Variants in PIP5K1C observed in about 807,000 individuals in gnomAD.
The protein encoded by PIP5K1C is phosphatidylinositol 4-phosphate 5-kinase type-1 gamma.
PIP5K1C carries 45 observed loss-of-function variants against 80.1 expected under a neutral mutation model. The observed-to-expected ratio is 0.56, with a 90% CI of 0.44 to 0.72. The LOEUF is 0.72. Ranked by LOEUF, PIP5K1C falls within the 30% of genes least tolerant of loss-of-function variation. PIP5K1C has a pLI of 0.00. For missense variants in PIP5K1C, 753 were observed against 954.6 expected (o/e 0.79, Z 2.78); for synonymous variants, 498 against 420.1 (o/e 1.19, Z -2.27).
rs760888987 is a variant in PIP5K1C at position 3,638,921 on chromosome 19, G to C, written c.1883C>G (p.Ser628Trp). Residue 628 changes from serine (S) to tryptophan (W), a missense_variant, in exon 16 of 18, where the codon TCG becomes TGG. By Grantham distance (177) the Ser-to-Trp change is radical. Coordinates refer to ENST00000335312, the MANE Select transcript of PIP5K1C (RefSeq NM_012398.3). ...GGTGGCGGGCGCGTCCTCCTCGTCC[G>C]AGGCCTGGCTGGCAGGTGCGCCCTC... ...DEEGAPASQA[S>W]DEEDAPATDI... 1 of 1,612,582 alleles carries C rather than the reference G, an allele frequency of 6.2e-7. No homozygotes were observed. The highest frequency in any genetic ancestry group is 1.7e-5 in the Admixed American group (1 of 59,980).
intron 15 of PIP5K1C, among the ~76,000 whole-genome samples, chr19:3,640,692 G>T (rs940011458): frequency 1.4e-5 from 2 of 142,970 alleles, no homozygotes; most frequent in Admixed American, 7.0e-5. Context: ...CTCGAGGTCA[G>T]TTTTTTTTTT....
At chr19:3,642,392 C>T (rs1205410852) in intron 14 of PIP5K1C, among the ~76,000 whole-genome samples, 1 of 152,244 alleles carries the variant, frequency 6.6e-6, no homozygotes. Flanking sequence ...GGACGGCACG[C>T]AGGCGTGACA....
At chr19:3,659,795 C>T (rs1386455318) in intron 5 of PIP5K1C, among the ~76,000 whole-genome samples, 4 of 152,158 alleles carry the variant, frequency 2.6e-5, no homozygotes, top group South Asian at 4.1e-4. Flanking sequence ...CAGCCTCGGG[C>T]GCTTCCTACA....
At chr19:3,656,253 G>A (rs950473619) in intron 6 of PIP5K1C, 152 bp downstream of exon 6, 13 of 794,152 alleles carry the variant, frequency 1.6e-5, no homozygotes, top group Non-Finnish European at 2.5e-5. Flanking sequence ...GCCTGACGGG[G>A]GACCCCCGAG....
intron 1 of PIP5K1C, among the ~76,000 whole-genome samples, chr19:3,672,805 C>G (rs867269668): frequency 6.6e-6 from 1 of 152,130 alleles, no homozygotes; most frequent in Non-Finnish European, 1.5e-5. Flanking sequence ...TGACAGCAGG[C>G]AGGACAGGAA....
rs1269389306 is a variant in PIP5K1C at position 3,648,604 on chromosome 19, A to G, written c.1211+21T>C. 3 of 1,601,734 alleles carry G rather than the reference A, an allele frequency of 1.9e-6. No homozygotes were observed. The highest frequency in any genetic ancestry group is 2.6e-6 in the Non-Finnish European group (3 of 1,170,772). On this transcript the variant is annotated intron_variant, in intron 9 of 17. Coordinates refer to ENST00000335312, the MANE Select transcript of PIP5K1C (RefSeq NM_012398.3). The surrounding 1 kb of genome is among the most constrained non-coding windows in gnomAD (Gnocchi z 4.3). The stretch of plus-strand genomic sequence containing the variant: ...CAGACCCGGGGCGTCCACCTGTAGG[A>G]CTGCAGACCCGGGCACCCACCTGTA...
intron 3 of PIP5K1C, 103 bp downstream of exon 3, chr19:3,664,719 G>A: frequency 1.0e-6 from 1 of 995,452 alleles, no homozygotes; most frequent in Non-Finnish European, 1.6e-6. Flanking sequence ...GGCAGACCCT[G>A]GTTTGTGTCG....
At chr19:3,690,690 G>C (rs981424143) in intron 1 of PIP5K1C, among the ~76,000 whole-genome samples, 1 of 152,140 alleles carries the variant, frequency 6.6e-6, no homozygotes, top group Non-Finnish European at 1.5e-5. Context: ...GAGAAGATGG[G>C]CAAAGAAGTA....
intron 10 of PIP5K1C, among the ~76,000 whole-genome samples, chr19:3,646,831 C>T (rs1053239864): frequency 6.6e-6 from 1 of 152,136 alleles, no homozygotes; most frequent in African/African-American, 2.4e-5. Context: ...TCCTCAGTGC[C>T]TGGCCCCAGG....
chr19:3,670,979 G>A (rs1443651236), intron 1 of PIP5K1C, among the ~76,000 whole-genome samples: 1 of 152,258 alleles, frequency 6.6e-6, no homozygotes. Flanking sequence ...GGGGCGGAAG[G>A]TGCTGGACGC....
intron 15 of PIP5K1C, 143 bp downstream of exon 15, chr19:3,641,562 A>C: frequency 1.4e-6 from 1 of 702,270 alleles, no homozygotes; most frequent in African/African-American, 1.7e-5. Context: ...TTCAATCAAA[A>C]AATAAACTTA....
rs762421341 is a variant in PIP5K1C, at chr19:3,651,815, C to G, written c.1127+11G>C. 1 of 1,609,154 alleles carries G rather than the reference C, an allele frequency of 6.2e-7. No individual in the cohort carries two copies. Among genetic ancestry groups the G allele is most frequent in the Non-Finnish European group, 8.5e-7 (1 of 1,178,302 alleles). ...AAGCGGGACGGGTCCGGCGGCCCCC[C>G]GCCCACCTACGTGTCATCCGATTCG... On this transcript the variant is annotated intron_variant, in intron 8 of 17. Transcript: ENST00000335312.
chr19:3,662,475 G>A (rs906929381), intron 3 of PIP5K1C, among the ~76,000 whole-genome samples: 4 of 152,188 alleles, frequency 2.6e-5, no homozygotes, highest in Non-Finnish European at 4.4e-5. Context: ...CCACATGGCC[G>A]CTATGTGCCT....
intron 1 of PIP5K1C, among the ~76,000 whole-genome samples, chr19:3,691,436 G>A (rs976627485): frequency 1.3e-5 from 2 of 152,102 alleles, no homozygotes; most frequent in African/African-American, 2.4e-5. Context: ...AACCAACCGC[G>A]AGCCCACGCA....
intron 1 of PIP5K1C, among the ~76,000 whole-genome samples, chr19:3,677,796 G>A (rs1274419442): frequency 1.8e-5 from 1 of 56,528 alleles, no homozygotes; most frequent in Non-Finnish European, 3.7e-5. Flanking sequence ...GAGGGATGCA[G>A]GGAGGGAGGG....
chr19:3,672,532 G>A (rs1409714480), intron 1 of PIP5K1C: 1 of 152,480 alleles, frequency 6.6e-6, no homozygotes, highest in African/African-American at 2.4e-5. Context: ...CTCCACATCT[G>A]TCTGACATGG....
At chr19:3,695,260 G>C (rs1045360582) in intron 1 of PIP5K1C, among the ~76,000 whole-genome samples, 2 of 152,148 alleles carry the variant, frequency 1.3e-5, no homozygotes, top group Non-Finnish European at 2.9e-5. Context: ...ACACTTTCAC[G>C]AGCCGACTCC....
In PIP5K1C at chr19:3,651,807, C is replaced by T. The variant is rs747150896; in HGVS notation, c.1127+19G>A. 2.4e-5 allele frequency: 38 copies of T among 1,606,408 alleles called. No individual in the cohort carries two copies. The highest frequency in any genetic ancestry group is 2.9e-5 in the Non-Finnish European group (34 of 1,176,252). On this transcript the variant is annotated intron_variant, in intron 8 of 17. Coordinates refer to ENST00000335312, the MANE Select transcript of PIP5K1C (RefSeq NM_012398.3). ...GGGAAGGGAAGCGGGACGGGTCCGG[C>T]GGCCCCCCGCCCACCTACGTGTCAT...
rs2033527860 is a variant in PIP5K1C, at chr19:3,633,338, CCCCGGGCCTCAGT to C, written c.2004+86_2004+98del. On this transcript the variant is annotated intron_variant, in intron 17 of 17. Transcript: ENST00000335312. Reference sequence around the variant, plus strand: ...GCTCTGGGCCACCTGTGCCCTCCCGCCCCGGGCCTCAGTCCCTGCCTATCCCAGTAGCTGGGGA... The same window carrying C: ...GCTCTGGGCCACCTGTGCCCTCCCGCCCCTGCCTATCCCAGTAGCTGGGGA... The C allele has an allele frequency of 1.9e-5, 18 of 951,566 alleles. No homozygotes were observed. The South Asian group carries it at 2.5e-4, about 13-fold the overall frequency. 58.9% of individuals were successfully genotyped at this position (951,566 alleles called of 1,614,324 possible). A position where few individuals can be genotyped will look rare whatever the true frequency, so the allele number is the denominator to read the frequency against.
Sources: gnomAD v4.1 joint callset for allele counts (sites outside exome capture counted in the v4.1 genomes callset) on GRCh38, gnomAD v4.1.1 for gene constraint, Gnocchi (gnomAD v3.1) non-coding constraint, MANE v1.5 for transcripts, NCBI Gene and HGNC (gene_info 2026-07-23, HGNC 2026-07-21) for gene names.